LINGO2: variants seen among roughly 807,000 people sequenced by gnomAD.
The protein encoded by LINGO2 is leucine-rich repeat and immunoglobulin-like domain-containing nogo receptor-interacting protein 2.
In LINGO2, 14 loss-of-function variants were observed where a neutral mutation model predicts 30.6. That is an observed-to-expected ratio of 0.46 (90% CI 0.30 to 0.72). LINGO2 has a LOEUF of 0.72. Among genes scored for constraint, LINGO2 ranks in the 30% least tolerant of loss-of-function variants. LINGO2 has a pLI of 0.07. For synonymous variants in LINGO2, 317 were observed against 288.5 expected, an observed-to-expected ratio of 1.10 and a Z score of -1.00; for missense variants, 729 against 751.7, an observed-to-expected ratio of 0.97 and a Z score of 0.35.
the LINGO2 span, among the ~76,000 whole-genome samples, chr9:28,806,446 T>G: frequency 5.9e-5 from 9 of 152,180 alleles, no homozygotes; most frequent in Admixed American, 5.9e-4. Context: ...AACCAAGTTC[T>G]CATATCATCC....
downstream of LINGO2, among the ~76,000 whole-genome samples, chr9:27,944,733 G>A (rs1288012245): frequency 2.6e-5 from 4 of 152,124 alleles, no homozygotes; most frequent in Admixed American, 2.0e-4. Flanking sequence ...TAGTAATAGA[G>A]ATAATAAGTC....
chr9:28,385,807 A>C (rs1260725757), intron 2 of LINGO2, among the ~76,000 whole-genome samples: 1 of 152,182 alleles, frequency 6.6e-6, no homozygotes, highest in Non-Finnish European at 1.5e-5. Context: ...AAGGCAAAAG[A>C]AAATGGACCC....
chr9:29,092,993 T>A, the LINGO2 span, among the ~76,000 whole-genome samples: 1 of 126,818 alleles, frequency 7.9e-6, no homozygotes, highest in Non-Finnish European at 1.7e-5. Context: ...CAAAATCCTG[T>A]AGGAATGATT....
At chr9:27,972,427 T>A (rs1820400454) in intron 5 of LINGO2, among the ~76,000 whole-genome samples, 1 of 152,148 alleles carries the variant, frequency 6.6e-6, no homozygotes. Flanking sequence ...CCCCTTCTTA[T>A]CCTAATCTTC....
At chr9:28,024,341 G>T (rs981573484) in intron 4 of LINGO2, among the ~76,000 whole-genome samples, 1 of 152,114 alleles carries the variant, frequency 6.6e-6, no homozygotes, top group Non-Finnish European at 1.5e-5. Flanking sequence ...ATGGGTGGAG[G>T]GTGGGTAACA....
At chr9:28,365,101 A>G (rs1820608777) in intron 3 of LINGO2, among the ~76,000 whole-genome samples, 1 of 152,206 alleles carries the variant, frequency 6.6e-6, no homozygotes, top group South Asian at 2.1e-4. Context: ...ATTGCTCTCT[A>G]AGTTCAAATA....
chr9:28,848,397 G>GTGTTTATATATATATA, the LINGO2 span, among the ~76,000 whole-genome samples: 1 of 48,440 alleles, frequency 2.1e-5, no homozygotes, highest in East Asian at 7.3e-4. Context: ...GTGTGTGTGT[G>GTGTTTATATATATATA]TATATATATA....
the LINGO2 span, among the ~76,000 whole-genome samples, chr9:28,898,199 T>G: frequency 6.6e-6 from 1 of 152,174 alleles, no homozygotes; most frequent in South Asian, 2.1e-4. Context: ...GAATAAACCT[T>G]AAATAATTCA....
chr9:28,320,455 A>G (rs1824998267), intron 3 of LINGO2, among the ~76,000 whole-genome samples: 1 of 152,200 alleles, frequency 6.6e-6, no homozygotes, highest in African/African-American at 2.4e-5. Context: ...TGACAATTTC[A>G]GTAGTTATAT....
At chr9:28,937,842 C>T in the LINGO2 span, among the ~76,000 whole-genome samples, 1 of 151,912 alleles carries the variant, frequency 6.6e-6, no homozygotes, top group Admixed American at 6.6e-5. Context: ...AAGTTTGTTA[C>T]ATAGGTAACA....
At chr9:28,603,344 T>C (rs186839923) in intron 1 of LINGO2, among the ~76,000 whole-genome samples, 11 of 152,138 alleles carry the variant, frequency 7.2e-5, no homozygotes, top group African/African-American at 2.6e-4. Context: ...CCATAATCCC[T>C]GGTACACAGT....
the LINGO2 span, among the ~76,000 whole-genome samples, chr9:28,832,810 C>T: frequency 6.6e-6 from 1 of 152,114 alleles, no homozygotes; most frequent in African/African-American, 2.4e-5. Flanking sequence ...AAAGGCACTT[C>T]CTGAGTCAAC....
chr9:28,476,487 GGATGGTCTC>G (rs1209407842), intron 1 of LINGO2, among the ~76,000 whole-genome samples: 1 of 152,164 alleles, frequency 6.6e-6, no homozygotes, highest in Non-Finnish European at 1.5e-5. Context: ...GTGTTAGCCA[GGATGGTCTC>G]GATCTCCTGA....
At chr9:28,146,260 C>T (rs1827809732) in intron 4 of LINGO2, among the ~76,000 whole-genome samples, 1 of 152,112 alleles carries the variant, frequency 6.6e-6, no homozygotes, top group African/African-American at 2.4e-5. Flanking sequence ...TTTGCTGTCC[C>T]TGGGCCCTCA....
At chr9:28,775,467 G>C in the LINGO2 span, among the ~76,000 whole-genome samples, 1 of 152,122 alleles carries the variant, frequency 6.6e-6, no homozygotes. Flanking sequence ...AGGTCCAATG[G>C]CTTCTTTAAA....
At chr9:29,194,148 G>A in the LINGO2 span, among the ~76,000 whole-genome samples, 1 of 152,140 alleles carries the variant, frequency 6.6e-6, no homozygotes, top group Non-Finnish European at 1.5e-5. Context: ...TCTTGCTTAC[G>A]CATCACTGAG....
At chr9:27,965,302 C>A (rs1467873620) in intron 5 of LINGO2, among the ~76,000 whole-genome samples, 2 of 151,016 alleles carry the variant, frequency 1.3e-5, no homozygotes, top group Non-Finnish European at 3.0e-5. Context: ...TTTTTTTGAG[C>A]TCTTAACTTT....
At position 28,219,752 on chromosome 9, in the gene LINGO2, T is replaced by C. The variant is rs570335552; in HGVS notation, c.-87+75456A>G. 1.4e-4 allele frequency among the ~76,000 whole-genome samples: 21 copies of C among 152,312 alleles called. 1 individual carries two copies. The South Asian group carries it at 1.5e-3, about 11-fold the overall frequency. ...TTACAAAGTATGTTCTATTGAACAG[T>C]GGAGCTGCTGCATAGTCTGTGCAAA... On this transcript the variant is annotated intron_variant, in intron 4 of 5. Coordinates refer to ENST00000379992, the Ensembl canonical transcript of LINGO2.
At chr9:28,531,896 A>G (rs148652062) in intron 1 of LINGO2, among the ~76,000 whole-genome samples, 9 of 152,250 alleles carry the variant, frequency 5.9e-5, no homozygotes, top group African/African-American at 1.4e-4. Context: ...ATTCATTTGT[A>G]TTTGGAAAAT....
Sources: allele counts gnomAD v4.1 joint callset (sites outside exome capture counted in the v4.1 genomes callset), GRCh38; gene constraint gnomAD v4.1.1; transcripts MANE v1.5; gene names NCBI Gene and HGNC (gene_info 2026-07-23, HGNC 2026-07-21).